The following SPOCK1 variants were observed in gnomAD, a reference collection of about 807,000 sequenced individuals.
SPOCK1 encodes the protein testican-1.
Under a neutral mutation model 55.3 loss-of-function variants are expected in SPOCK1, and 23 were observed. The observed-to-expected ratio is 0.42, with a 90% CI of 0.30 to 0.59. The LOEUF is 0.59. Ranked by LOEUF, SPOCK1 falls within the 20% of genes least tolerant of loss-of-function variation. SPOCK1 has a pLI of 0.22. For missense variants in SPOCK1, 499 were observed against 552.5 expected, an observed-to-expected ratio of 0.90 and a Z score of 0.97; for synonymous variants, 226 against 221.0, an observed-to-expected ratio of 1.02 and a Z score of -0.20.
intron 6 of SPOCK1, among the ~76,000 whole-genome samples, chr5:137,009,168 T>C (rs1261767398): frequency 1.3e-5 from 2 of 152,120 alleles, no homozygotes; most frequent in Admixed American, 6.5e-5. Flanking sequence ...AATATAACAA[T>C]GGCAAAGTGA....
At chr5:137,454,431 T>C (rs1482083564) in intron 2 of SPOCK1, among the ~76,000 whole-genome samples, 3 of 152,070 alleles carry the variant, frequency 2.0e-5, no homozygotes, top group Non-Finnish European at 4.4e-5. Flanking sequence ...GCATTTAAAA[T>C]CTCTTTTACA....
chr5:137,101,909 A>G (rs1328975127), intron 5 of SPOCK1, among the ~76,000 whole-genome samples: 1 of 152,186 alleles, frequency 6.6e-6, no homozygotes, highest in Admixed American at 6.5e-5. Flanking sequence ...CCCATAGATG[A>G]ACTTCCTCTT....
At chr5:137,211,489 G>A (rs905149654) in intron 3 of SPOCK1, among the ~76,000 whole-genome samples, 4 of 152,192 alleles carry the variant, frequency 2.6e-5, no homozygotes, top group Non-Finnish European at 2.9e-5. Context: ...GATACAGAAT[G>A]TTTTGTTCTA....
chr5:137,485,200 A>G (rs561653637), intron 2 of SPOCK1, among the ~76,000 whole-genome samples: 7 of 152,334 alleles, frequency 4.6e-5, no homozygotes, highest in African/African-American at 1.7e-4. Context: ...CCACCATTAC[A>G]GCATAAATAT....
intron 4 of SPOCK1, among the ~76,000 whole-genome samples, chr5:137,129,204 C>T (rs1753829888): frequency 6.6e-6 from 1 of 152,174 alleles, no homozygotes; most frequent in Admixed American, 6.5e-5. Context: ...CACAGGCCTC[C>T]CCTTTCTCAT....
chr5:137,002,387 T>C (rs1332158716), intron 6 of SPOCK1, among the ~76,000 whole-genome samples: 3 of 152,152 alleles, frequency 2.0e-5, no homozygotes, highest in Non-Finnish European at 4.4e-5. Flanking sequence ...TATTTTTTTT[T>C]TCTCCCTGAA....
At chr5:137,480,898 G>C (rs1468960690) in intron 2 of SPOCK1, among the ~76,000 whole-genome samples, 1 of 152,058 alleles carries the variant, frequency 6.6e-6, no homozygotes, top group Non-Finnish European at 1.5e-5. Flanking sequence ...AGAGGGAAGA[G>C]GAAGAGGAGA....
At chr5:137,311,446 G>A (rs1167242970) in intron 2 of SPOCK1, among the ~76,000 whole-genome samples, 1 of 152,190 alleles carries the variant, frequency 6.6e-6, no homozygotes, top group African/African-American at 2.4e-5. Flanking sequence ...CCTTACAAAT[G>A]TTCTTCTTCC....
At chr5:137,424,258 G>A (rs189477346) in intron 2 of SPOCK1, among the ~76,000 whole-genome samples, 77 of 152,288 alleles carry the variant, frequency 5.1e-4, no homozygotes, top group Admixed American at 1.6e-3. Flanking sequence ...GCATGCACCT[G>A]TGGTCCTAGC....
intron 2 of SPOCK1, among the ~76,000 whole-genome samples, chr5:137,447,431 G>A (rs1753152405): frequency 6.6e-6 from 1 of 152,222 alleles, no homozygotes; most frequent in Non-Finnish European, 1.5e-5. Flanking sequence ...GTTTCTGTCT[G>A]AGGAGACTTT....
chr5:137,079,561 C>T (rs928508234), intron 5 of SPOCK1, among the ~76,000 whole-genome samples: 7 of 141,316 alleles, frequency 5.0e-5, no homozygotes, highest in African/African-American at 8.0e-5. Context: ...AGTGAAATGT[C>T]GTACCAAAGA....
chr5:137,240,284 C>T (rs1316704623), intron 3 of SPOCK1, among the ~76,000 whole-genome samples: 2 of 152,184 alleles, frequency 1.3e-5, no homozygotes, highest in Non-Finnish European at 2.9e-5. Context: ...TCTCAAGGTT[C>T]TACAGGCTAT....
chr5:137,152,384 G>A (rs957022273), intron 3 of SPOCK1, among the ~76,000 whole-genome samples: 4 of 152,162 alleles, frequency 2.6e-5, no homozygotes. Flanking sequence ...TAAGATAAGG[G>A]CTATCATGCT....
chr5:137,212,101 G>C (rs1028089927), intron 3 of SPOCK1, among the ~76,000 whole-genome samples: 28 of 152,210 alleles, frequency 1.8e-4, no homozygotes, highest in African/African-American at 6.8e-4. Context: ...GGCATCCGAA[G>C]GGGGGTCCAT....
chr5:137,207,674 A>C (rs932955849), intron 3 of SPOCK1, among the ~76,000 whole-genome samples: 10 of 152,064 alleles, frequency 6.6e-5, no homozygotes, highest in African/African-American at 2.4e-4. Flanking sequence ...GGGGTCAGGA[A>C]CCAATATTTA....
chr5:137,319,054 C>G (rs999925048), intron 2 of SPOCK1, among the ~76,000 whole-genome samples: 1 of 152,204 alleles, frequency 6.6e-6, no homozygotes, highest in African/African-American at 2.4e-5. Context: ...AAGTCACTTT[C>G]TCTATATCAG....
At chr5:137,039,296 T>TG (rs1561587657) in intron 6 of SPOCK1, among the ~76,000 whole-genome samples, 4 of 144,422 alleles carry the variant, frequency 2.8e-5, no homozygotes, top group African/African-American at 1.0e-4. Flanking sequence ...TTTTTTTTTT[T>TG]TTGTTGTTGC....
intron 3 of SPOCK1, among the ~76,000 whole-genome samples, chr5:137,241,467 C>A (rs1756279998): frequency 6.6e-6 from 1 of 152,116 alleles, no homozygotes; most frequent in South Asian, 2.1e-4. Flanking sequence ...AACAATTATT[C>A]CCAAATACTG....
chr5:137,040,642 T>C (rs566355181), intron 6 of SPOCK1, among the ~76,000 whole-genome samples: 14 of 152,360 alleles, frequency 9.2e-5, no homozygotes, highest in Non-Finnish European at 1.2e-4. Context: ...TTCTGTATGG[T>C]ATGTTTGATG....
Sources: allele counts gnomAD v4.1 joint callset (sites outside exome capture counted in the v4.1 genomes callset), GRCh38; gene constraint gnomAD v4.1.1; transcripts MANE v1.5; gene names NCBI Gene and HGNC (gene_info 2026-07-23, HGNC 2026-07-21).